KCNH5: variants seen among roughly 807,000 people sequenced by gnomAD.
The protein encoded by KCNH5 is voltage-gated delayed rectifier potassium channel KCNH5.
KCNH5 carries 46 observed loss-of-function variants against 96.1 expected under a neutral mutation model. The observed-to-expected ratio is 0.48, with a 90% CI of 0.38 to 0.61. The LOEUF is 0.61. Ranked by LOEUF, KCNH5 falls within the 20% of genes least tolerant of loss-of-function variation. The pLI is 0.00. For missense variants in KCNH5, 907 were observed against 1,225.8 expected (o/e 0.74, Z 3.88); for synonymous variants, 439 against 449.8 (o/e 0.98, Z 0.30).
Position 62,699,813 on chromosome 14 carries a change from A to G in KCNH5, c.*7695T>C, listed in dbSNP as rs1423172037. ...AGTACATACAAAATTTCTATATTATACATTGCAGTATCTTTGTTTAAGTAG... is the reference window on the plus strand; with the variant it reads ...AGTACATACAAAATTTCTATATTATGCATTGCAGTATCTTTGTTTAAGTAG... On this transcript the variant is annotated 3_prime_UTR_variant, in exon 11 of 11. Coordinates refer to ENST00000322893, the MANE Select transcript of KCNH5 (RefSeq NM_139318.5). 2.6e-5 allele frequency: 4 copies of G among 152,188 alleles called. No homozygotes were observed. The highest frequency in any genetic ancestry group is 2.9e-5 in the Non-Finnish European group (2 of 68,024). 9.4% of individuals were successfully genotyped at this position (152,188 alleles called of 1,614,324 possible).
chr14:62,776,932 G>A (rs1321614051), intron 10 of KCNH5, among the ~76,000 whole-genome samples: 1 of 152,168 alleles, frequency 6.6e-6, no homozygotes, highest in Non-Finnish European at 1.5e-5. Context: ...TGTGTGGCCA[G>A]AACTGTACCA....
At chr14:63,026,897 G>A (rs1891533792) in intron 1 of KCNH5, among the ~76,000 whole-genome samples, 1 of 152,038 alleles carries the variant, frequency 6.6e-6, no homozygotes, top group Non-Finnish European at 1.5e-5. Context: ...AGAGCTATCT[G>A]CATGCTCATG....
Position 63,018,367 on chromosome 14 carries a change from G to A in KCNH5, c.74-1413C>T, listed in dbSNP as rs775769493. On this transcript the variant is annotated intron_variant, in intron 1 of 10. Coordinates refer to ENST00000322893, the MANE Select transcript of KCNH5 (RefSeq NM_139318.5). ...TTAATTGATGGAGTGATAAACTTCC[G>A]CATAATATACCTCAAATCCTTCTTG... Among the ~76,000 whole-genome samples the A allele has an allele frequency of 2.0e-5, 3 of 151,836 alleles. No individual in the cohort carries two copies. The East Asian group carries it at 5.8e-4, about 29-fold the overall frequency.
intron 10 of KCNH5, among the ~76,000 whole-genome samples, chr14:62,769,451 G>A (rs1885939465): frequency 6.6e-6 from 1 of 152,136 alleles, no homozygotes; most frequent in South Asian, 2.1e-4. Flanking sequence ...TGGGAATAAG[G>A]CACTACTCTG....
intron 10 of KCNH5, among the ~76,000 whole-genome samples, chr14:62,728,202 G>A (rs977677879): frequency 8.2e-5 from 11 of 134,116 alleles, no homozygotes; most frequent in Non-Finnish European, 1.4e-4. Context: ...CCATCACGGC[G>A]AAACCCTATC....
At chr14:62,789,121 C>A (rs529940874) in intron 9 of KCNH5, among the ~76,000 whole-genome samples, 1 of 152,146 alleles carries the variant, frequency 6.6e-6, no homozygotes, top group South Asian at 2.1e-4. Flanking sequence ...CTGTTTTATT[C>A]TCTATCTTTG....
rs146500448 is a variant in KCNH5 at position 62,894,506 on chromosome 14, G to A, written c.1370-44654C>T. The stretch of plus-strand genomic sequence containing the variant: ...CATGTAGATTCCCTCCATCTCAAGT[G>A]GCAGAACCAATGAATTAATCCAGGT... On this transcript the variant is annotated intron_variant, in intron 7 of 10. Transcript: ENST00000322893. Among the ~76,000 whole-genome samples the A allele has an allele frequency of 9.7e-3, 1,481 of 152,248 alleles. 21 individuals carry two copies. Among genetic ancestry groups the A allele is most frequent in the African/African-American group, 0.035 (1,435 of 41,536 alleles).
intron 3 of KCNH5, among the ~76,000 whole-genome samples, chr14:63,003,363 C>T (rs909481702): frequency 4.1e-5 from 6 of 146,908 alleles, no homozygotes; most frequent in Non-Finnish European, 8.9e-5. Context: ...GGCTGAATCT[C>T]GGTGCAGTGC....
At chr14:62,808,809 G>A (rs1886819539) in intron 8 of KCNH5, among the ~76,000 whole-genome samples, 1 of 152,054 alleles carries the variant, frequency 6.6e-6, no homozygotes. Context: ...GGCTTTAATT[G>A]TGGCTGTCCT....
At chr14:62,938,631 T>C (rs1251672922) in intron 7 of KCNH5, among the ~76,000 whole-genome samples, 2 of 152,362 alleles carry the variant, frequency 1.3e-5, no homozygotes, top group South Asian at 2.1e-4. Flanking sequence ...CAGATGTCAA[T>C]TGATGGATAT....
At chr14:63,019,187 A>G (rs1238779317) in intron 1 of KCNH5, among the ~76,000 whole-genome samples, 1 of 152,058 alleles carries the variant, frequency 6.6e-6, no homozygotes, top group Non-Finnish European at 1.5e-5. Context: ...CAACTCAGTA[A>G]ACCACAAGAG....
chr14:63,030,894 A>C (rs1891612832), intron 1 of KCNH5, among the ~76,000 whole-genome samples: 1 of 152,182 alleles, frequency 6.6e-6, no homozygotes, highest in Non-Finnish European at 1.5e-5. Context: ...AGTCTGGCAC[A>C]CTTTGATCCA....
At position 62,714,659 on chromosome 14, in the gene KCNH5, T is replaced by C. The variant is rs192626135; in HGVS notation, c.2020-6204A>G. On this transcript the variant is annotated intron_variant, in intron 10 of 10. Coordinates refer to ENST00000322893, the MANE Select transcript of KCNH5 (RefSeq NM_139318.5). ...TTTTTAAACCATGAAGAAATTATTA[T>C]AGAAAGTGTTAAAGGATTTGAGTTC... 7.7e-4 allele frequency among the ~76,000 whole-genome samples: 117 copies of C among 152,328 alleles called. 1 individual carries two copies. The highest frequency in any genetic ancestry group is 2.8e-4 in the Non-Finnish European group (19 of 68,028).
chr14:62,831,508 C>G (rs1176518177), intron 8 of KCNH5, among the ~76,000 whole-genome samples: 3 of 152,092 alleles, frequency 2.0e-5, no homozygotes, highest in Non-Finnish European at 2.9e-5. Flanking sequence ...GTTCATCGAC[C>G]ATTTATATTT....
chr14:63,016,980 G>T, intron 1 of KCNH5, 26 bp from the exon 2 acceptor site: 1 of 1,589,122 alleles, frequency 6.3e-7, no homozygotes, highest in Non-Finnish European at 8.5e-7. Context: ...GAAAAAAGGA[G>T]GTTATTTAGC....
At chr14:62,820,786 T>A (rs925706441) in intron 8 of KCNH5, among the ~76,000 whole-genome samples, 2 of 152,186 alleles carry the variant, frequency 1.3e-5, no homozygotes, top group Non-Finnish European at 2.9e-5. Flanking sequence ...TTGTGAATAG[T>A]GACAATGAAC....
At chr14:62,846,154 A>C (rs1887686811) in intron 8 of KCNH5, among the ~76,000 whole-genome samples, 2 of 151,932 alleles carry the variant, frequency 1.3e-5, no homozygotes, top group South Asian at 4.2e-4. Flanking sequence ...TTGTTTTTTT[A>C]AGTTTTAACT....
intron 7 of KCNH5, among the ~76,000 whole-genome samples, chr14:62,880,769 T>C (rs1888476239): frequency 6.6e-6 from 1 of 152,212 alleles, no homozygotes; most frequent in Admixed American, 6.5e-5. Flanking sequence ...CTGTTTTCTC[T>C]TTGGTTGAAT....
chr14:62,947,835 T>C (rs1400078994), intron 7 of KCNH5, among the ~76,000 whole-genome samples: 1 of 151,980 alleles, frequency 6.6e-6, no homozygotes, highest in Non-Finnish European at 1.5e-5. Flanking sequence ...TTTATTTTTA[T>C]TATTATTATA....
Sources: gnomAD v4.1 joint callset for allele counts (sites outside exome capture counted in the v4.1 genomes callset) on GRCh38, gnomAD v4.1.1 for gene constraint, MANE v1.5 for transcripts, NCBI Gene and HGNC (gene_info 2026-07-23, HGNC 2026-07-21) for gene names.